The following LAMA5 variants were observed in gnomAD, a reference collection of about 807,000 sequenced individuals.
LAMA5 encodes the protein laminin subunit alpha-5.
LAMA5 carries 260 observed loss-of-function variants against 433.4 expected under a neutral mutation model. The ratio of observed to expected loss-of-function variants is 0.60; its 90% CI spans 0.54 to 0.66. The LOEUF (loss-of-function observed/expected upper bound fraction) is 0.66. Among genes scored for constraint, LAMA5 ranks in the 30% least tolerant of loss-of-function variants. The pLI is 0.00. For missense variants in LAMA5, 5,378 were observed against 5,258.5 expected, an observed-to-expected ratio of 1.02 and a Z score of -0.70; for synonymous variants, 2,620 against 2,226.6, an observed-to-expected ratio of 1.18 and a Z score of -4.97.
In LAMA5 at chr20:62,359,296, C is replaced by T. The variant is rs1568986489; in HGVS notation, c.450+3104G>A. ...CGACTGGAGAGGGAGGGGACACAGG[C>T]CAGAGCCAGCCCCACTCACCCTGCC... On this transcript the variant is annotated intron_variant, in intron 2 of 79. Transcript: ENST00000252999. This position sits in a 1 kb window ranked among gnomAD's most constrained non-coding sequence, Gnocchi z 4.3. Among the ~76,000 whole-genome samples the T allele has an allele frequency of 6.6e-6, 1 of 152,172 alleles. No homozygotes were observed. Among genetic ancestry groups the T allele is most frequent in the Non-Finnish European group, 1.5e-5 (1 of 68,016 alleles).
At position 62,309,796 on chromosome 20, in the gene LAMA5, G is replaced by C; in HGVS notation, c.10868C>G (p.Ala3623Gly). 3.1e-6 allele frequency: 5 copies of C among 1,610,516 alleles called. No individual in the cohort carries two copies. The highest frequency in any genetic ancestry group is 4.2e-6 in the Non-Finnish European group (5 of 1,179,268). Residue 3623 changes from alanine (A) to glycine (G), a missense_variant, in exon 79 of 80, where the codon GCG becomes GGG. Coordinates refer to ENST00000252999, the MANE Select transcript of LAMA5 (RefSeq NM_005560.6). ...SGNVLRLEVD[A>G]QSNHTVGPLL... The stretch of plus-strand genomic sequence containing the variant: ...GGGGCCCACGGTGTGGTTGCTCTGC[G>C]CGTCCACCTCCAGCCGGAGCACATT...
rs1986401774 is a variant in LAMA5 at position 62,312,480 on chromosome 20, T to C, written c.9280A>G (p.Ile3094Val). The C allele has an allele frequency of 6.3e-7, 1 of 1,598,414 alleles. No individual in the cohort carries two copies. The highest frequency in any genetic ancestry group is 1.7e-5 in the Admixed American group (1 of 59,952). Residue 3094 changes from isoleucine to valine, a missense_variant, in exon 68 of 80, where the codon ATC (isoleucine) becomes GTC (valine). By Grantham distance (29) the Ile-to-Val change is conservative. Coordinates refer to ENST00000252999, the MANE Select transcript of LAMA5 (RefSeq NM_005560.6). Reference protein sequence around the residue: ...GGSVRGCVKGIKALGKYVDLK... With the variant: ...GGSVRGCVKGVKALGKYVDLK... Reference sequence around the variant, plus strand: ...TCCACATACTTGCCCAGGGCCTTGATGCCTTTGACGCAGCCACGGACTGAG... The same window carrying C: ...TCCACATACTTGCCCAGGGCCTTGACGCCTTTGACGCAGCCACGGACTGAG...
At position 62,310,983 on chromosome 20, in the gene LAMA5, G is replaced by A; in HGVS notation, c.10200C>T (p.His3400=). ...CGAGGCCTTCCATCTGTGCAACGAA[G>A]TGGCCATTGCTCAGGAAGAGCGCCA... is the stretch of plus-strand genomic sequence containing the variant. ...PSLALFLSNG[H]FVAQMEGLGT... The change falls in exon 74 of 80, where the codon CAC becomes CAT. Residue 3400 remains histidine (H), a synonymous_variant. Coordinates refer to ENST00000252999, the MANE Select transcript of LAMA5 (RefSeq NM_005560.6). 6.2e-7 allele frequency: 1 copy of A among 1,611,618 alleles called. No individual in the cohort carries two copies. The highest frequency in any genetic ancestry group is 8.5e-7 in the Non-Finnish European group (1 of 1,179,522).
intron 11 of LAMA5, among the ~76,000 whole-genome samples, chr20:62,339,231 CTTTTTT>C (rs151158845): frequency 1.4e-4 from 8 of 55,960 alleles, no homozygotes; most frequent in African/African-American, 3.0e-4. Flanking sequence ...ATTATAGTTT[CTTTTTT>C]TTTTTTTTTT....
rs190447276 is a variant in LAMA5 at position 62,344,193 on chromosome 20, A to C, written c.1477+1625T>G. 2.4e-3 allele frequency among the ~76,000 whole-genome samples: 365 copies of C among 151,476 alleles called. 4 individuals are homozygous for C. The highest frequency in any genetic ancestry group is 8.4e-3 in the African/African-American group (347 of 41,372). ...TCATATCAAATACAATCTAAGTCTA[A>C]GACCCCACTCACTGGGAAAGATGCC... On this transcript the variant is annotated intron_variant, in intron 11 of 79. Coordinates refer to ENST00000252999, the MANE Select transcript of LAMA5 (RefSeq NM_005560.6).
Position 62,309,727 on chromosome 20 carries a change from C to G in LAMA5, c.10937G>C (p.Gly3646Ala), listed in dbSNP as rs376528786. Residue 3646 changes from glycine (G) to alanine (A), a missense_variant, in exon 79 of 80, where the codon GGG becomes GCG. By Grantham distance (60) the Gly-to-Ala change is moderately conservative. Coordinates refer to ENST00000252999, the MANE Select transcript of LAMA5 (RefSeq NM_005560.6). The part of the protein sequence containing the change: ...AAGAPAPLYL[G>A]GLPEPMAVQP... ...AAGGCCGCACTCACCAGGCAGGCCCCCGAGGTACAGAGGGGCTGGGGCACC... is the reference window on the plus strand; with the variant it reads ...AAGGCCGCACTCACCAGGCAGGCCCGCGAGGTACAGAGGGGCTGGGGCACC... 2.5e-5 allele frequency: 40 copies of G among 1,600,110 alleles called. No individual in the cohort carries two copies. The highest frequency in any genetic ancestry group is 3.4e-5 in the Non-Finnish European group (40 of 1,175,878).
At chr20:62,311,367 C>T in intron 72 of LAMA5, 34 bp downstream of exon 72, 1 of 1,527,928 alleles carries the variant, frequency 6.5e-7, no homozygotes, top group South Asian at 1.2e-5. Context: ...TTCCAGCCAC[C>T]CCAGCTCTGC....
At chr20:62,318,341 GGACGGA>G (rs1273820365) in intron 53 of LAMA5, 107 bp downstream of exon 53, 233 of 389,764 alleles carry the variant, frequency 6.0e-4, no homozygotes, top group Middle Eastern at 1.4e-3. Flanking sequence ...AGGGAGGGGA[GGACGGA>G]GGGAGGGGAG....
At chr20:62,362,873 G>C (rs1274008453) in intron 1 of LAMA5, among the ~76,000 whole-genome samples, 1 of 151,922 alleles carries the variant, frequency 6.6e-6, no homozygotes, top group African/African-American at 2.4e-5. Context: ...CGTGGTAAGG[G>C]GGGGGGTGTG....
At chr20:62,315,812 TGTCTGGCC>T (rs1424785880) in intron 58 of LAMA5, 128 bp downstream of exon 58, 1 of 669,374 alleles carries the variant, frequency 1.5e-6, no homozygotes, top group African/African-American at 1.8e-5. Context: ...AGGCTTTCTG[TGTCTGGCC>T]CCAGCTGCCC....
intron 2 of LAMA5, among the ~76,000 whole-genome samples, chr20:62,361,049 AAGG>A (rs1185519708): frequency 6.6e-6 from 1 of 152,032 alleles, no homozygotes; most frequent in African/African-American, 2.4e-5. Flanking sequence ...TAGTTTCTCA[AAGG>A]AGGAGAGGCG....
Position 62,333,192 on chromosome 20 carries a change from C to G in LAMA5, c.3180G>C (p.Gly1060=). Residue 1060 remains glycine, a synonymous_variant, in exon 26 of 80, where the codon GGG becomes GGC. Transcript: ENST00000252999. ...LPLDGFPSAA[G]LEALCRQDNS... ...TGTCCTGGCGACACAGGGCCTCCAG[C>G]CCGGCGGCCGAGGGGAAGCCATCCA... is the stretch of plus-strand genomic sequence containing the variant. The G allele has an allele frequency of 6.6e-7, 1 of 1,522,070 alleles. No individual in the cohort carries two copies. The highest frequency in any genetic ancestry group is 8.8e-7 in the Non-Finnish European group (1 of 1,135,036). 94.3% of individuals were successfully genotyped at this position (1,522,070 alleles called of 1,614,324 possible).
Position 62,362,387 on chromosome 20 carries a change from G to T in LAMA5, c.450+13C>A, listed in dbSNP as rs1452860401. ...AGAGATGGGGGCTGCAGCACGCAAA[G>T]AAGGGTCCCTACCTGGCCCAGGTCC... On this transcript the variant is annotated intron_variant, in intron 2 of 79. Coordinates refer to ENST00000252999, the MANE Select transcript of LAMA5 (RefSeq NM_005560.6). 6.7e-7 allele frequency: 1 copy of T among 1,493,392 alleles called. No individual in the cohort carries two copies. Among genetic ancestry groups the T allele is most frequent in the South Asian group, 1.3e-5 (1 of 74,798 alleles). 92.5% of individuals were successfully genotyped at this position (1,493,392 alleles called of 1,614,324 possible). A position where few individuals can be genotyped will look rare whatever the true frequency, so the allele number is the denominator to read the frequency against.
At position 62,311,649 on chromosome 20, in the gene LAMA5, G is replaced by A; in HGVS notation, c.9771C>T (p.Asn3257=). 8 of 1,601,244 alleles carry A rather than the reference G, an allele frequency of 5.0e-6. No homozygotes were observed. The highest frequency in any genetic ancestry group is 6.8e-6 in the Non-Finnish European group (8 of 1,175,066). ...GGLPESGTIY[N]FSGCISNVFV... ...AGACGTTGCTGATGCAGCCACTGAA[G>A]TTGTAAATGGTGCCAGACTCAGGCA... The change falls in exon 71 of 80, where the codon AAC becomes AAT. Residue 3257 remains asparagine (N), a synonymous_variant. Transcript: ENST00000252999.
chr20:62,362,870 A>AG (rs113325908), intron 1 of LAMA5, among the ~76,000 whole-genome samples: 101 of 113,592 alleles, frequency 8.9e-4, no homozygotes, highest in South Asian at 2.4e-3. Context: ...CTACGTGGTA[A>AG]GGGGGGGGGT....
chr20:62,322,081 C>T lies in LAMA5; in HGVS notation c.6434G>A (p.Cys2145Tyr). The T allele has an allele frequency of 6.2e-7, 1 of 1,601,298 alleles. No homozygotes were observed. The highest frequency in any genetic ancestry group is 8.5e-7 in the Non-Finnish European group (1 of 1,179,388). ...PGLSGERCDT[C>Y]SQQHQVPVPG... Reference sequence around the variant, plus strand: ...AACAGGCACCTGATGCTGCTGGCTGCAGGTGTCGCAGCGCTCCCCGCTGAG... The same window carrying T: ...AACAGGCACCTGATGCTGCTGGCTGTAGGTGTCGCAGCGCTCCCCGCTGAG... Residue 2145 changes from cysteine to tyrosine, a missense_variant, in exon 48 of 80, where the codon TGC becomes TAC. Physicochemically the swap from Cys to Tyr is radical, Grantham distance 194. Transcript: ENST00000252999.
chr20:62,317,469 C>A lies in LAMA5; in HGVS notation c.7387G>T (p.Gly2463Trp), dbSNP rs768563115. ...CTCTGCAGCAGTGGGGTCCGAGCCC[C>A]ATCCAGGCTGGCGGCGAGGCGCTCC... Reference protein sequence around the residue: ...ELERLAASLDGARTPLLQRMQ... With the variant: ...ELERLAASLDWARTPLLQRMQ... The change falls in exon 55 of 80, where the codon GGG becomes TGG. Residue 2463 changes from glycine (G) to tryptophan (W), a missense_variant. By Grantham distance (184) the Gly-to-Trp change is radical. Coordinates refer to ENST00000252999, the MANE Select transcript of LAMA5 (RefSeq NM_005560.6). 2 of 1,571,830 alleles carry A rather than the reference C, an allele frequency of 1.3e-6. No homozygotes were observed. The highest frequency in any genetic ancestry group is 1.4e-5 in the African/African-American group (1 of 73,926).
At chr20:62,313,551 C>G in intron 63 of LAMA5, 91 bp from the exon 64 acceptor site, 5 of 1,567,316 alleles carry the variant, frequency 3.2e-6, no homozygotes, top group Non-Finnish European at 4.3e-6. Context: ...GCAGGACGGA[C>G]TGAGGCAAGA....
At chr20:62,351,468 C>G (rs775113509) in intron 6 of LAMA5, among the ~76,000 whole-genome samples, 3 of 152,190 alleles carry the variant, frequency 2.0e-5, no homozygotes, top group Non-Finnish European at 4.4e-5. Flanking sequence ...CAAGGCCCCC[C>G]AAACCAAGAT....
Sources: allele counts gnomAD v4.1 joint callset (sites outside exome capture counted in the v4.1 genomes callset), GRCh38; gene constraint gnomAD v4.1.1; non-coding constraint Gnocchi (gnomAD v3.1); transcripts MANE v1.5; gene names NCBI Gene and HGNC (gene_info 2026-07-23, HGNC 2026-07-21).